The following PATJ variants were observed in gnomAD, a reference collection of about 807,000 sequenced individuals.
PATJ encodes the protein inaD-like protein.
A neutral mutation model predicts 224.9 loss-of-function variants in PATJ; 190 were observed. The observed-to-expected ratio is 0.84, with a 90% confidence interval of 0.75 to 0.95. The LOEUF (loss-of-function observed/expected upper bound fraction) is 0.95, where lower values mean the gene tolerates loss of function less well. Among genes scored for constraint, PATJ ranks in the 40% least tolerant of loss-of-function variants. PATJ has a pLI of 0.00. For synonymous variants in PATJ, 769 were observed against 820.3 expected (o/e 0.94, Z 1.07); for missense variants, 2,121 against 2,270.3 (o/e 0.93, Z 1.34).
intron 31 of PATJ, among the ~76,000 whole-genome samples, chr1:62,076,659 CA>C (rs1658358587): frequency 6.6e-6 from 1 of 152,158 alleles, no homozygotes; most frequent in African/African-American, 2.4e-5. Context: ...TATTATGCAC[CA>C]GATGCTACAT....
At chr1:61,912,037 A>G (rs1412988637) in intron 25 of PATJ, among the ~76,000 whole-genome samples, 1 of 60,654 alleles carries the variant, frequency 1.6e-5, no homozygotes, top group African/African-American at 5.7e-5. Context: ...AAAAAATTGG[A>G]TATCTTCAGC....
chr1:62,088,809 T>G (rs1346050928), intron 33 of PATJ, among the ~76,000 whole-genome samples: 4 of 147,902 alleles, frequency 2.7e-5, no homozygotes, highest in East Asian at 1.9e-4. Flanking sequence ...TATATATATA[T>G]AGAATATATA....
intron 31 of PATJ, among the ~76,000 whole-genome samples, chr1:62,079,071 A>G (rs535270176): frequency 2.0e-5 from 3 of 152,254 alleles, no homozygotes; most frequent in South Asian, 2.1e-4. Context: ...CACAACACAG[A>G]TAAGTCACTT....
chr1:61,768,219 C>T (rs952667934), intron 4 of PATJ, among the ~76,000 whole-genome samples: 9 of 152,130 alleles, frequency 5.9e-5, no homozygotes, highest in Middle Eastern at 3.4e-3. Flanking sequence ...CCTGTAATCC[C>T]AGCACTTTGG....
chr1:61,925,388 T>G (rs2886446), intron 26 of PATJ, among the ~76,000 whole-genome samples: 27,572 of 152,164 alleles, frequency 0.18, 2,778 homozygotes, highest in Non-Finnish European at 0.22. Flanking sequence ...TAACTCTAAA[T>G]GGTCAGACCA....
chr1:61,922,102 G>A (rs1459823590), intron 26 of PATJ, among the ~76,000 whole-genome samples: 2 of 151,988 alleles, frequency 1.3e-5, no homozygotes, highest in African/African-American at 4.8e-5. Context: ...GAGTGCAGTA[G>A]TGCAATCTCA....
intron 14 of PATJ, among the ~76,000 whole-genome samples, chr1:61,809,683 G>A (rs1654305877): frequency 6.6e-6 from 1 of 151,904 alleles, no homozygotes; most frequent in Non-Finnish European, 1.5e-5. Context: ...CACAGCGCCA[G>A]GCTAAAAATG....
chr1:62,020,892 C>T (rs1238456569), intron 29 of PATJ, among the ~76,000 whole-genome samples: 1 of 152,124 alleles, frequency 6.6e-6, no homozygotes, highest in Non-Finnish European at 1.5e-5. Context: ...GTGGTGCGAT[C>T]TTGGCACACT....
intron 28 of PATJ, among the ~76,000 whole-genome samples, chr1:62,011,409 G>C (rs143590331): frequency 1.6e-4 from 25 of 152,160 alleles, no homozygotes; most frequent in Admixed American, 5.9e-4. Flanking sequence ...GAATCGGAAG[G>C]CCTCGGAGGA....
At chr1:61,969,565 A>T (rs999505714) in intron 27 of PATJ, among the ~76,000 whole-genome samples, 3 of 152,088 alleles carry the variant, frequency 2.0e-5, no homozygotes, top group African/African-American at 7.2e-5. Context: ...AAATCAGATT[A>T]TTTGATTTAT....
At chr1:61,829,449 T>G (rs1658923625) in intron 16 of PATJ, among the ~76,000 whole-genome samples, 2 of 152,324 alleles carry the variant, frequency 1.3e-5, no homozygotes, top group South Asian at 4.1e-4. Flanking sequence ...GCAAGGTGTG[T>G]AAATCACAAA....
chr1:61,981,630 T>C (rs12092770), intron 27 of PATJ, among the ~76,000 whole-genome samples: 38,111 of 151,098 alleles, frequency 0.25, 5,166 homozygotes, highest in East Asian at 0.45. Context: ...GATCTAGTGG[T>C]ATGAAATTGG....
intron 22 of PATJ, among the ~76,000 whole-genome samples, chr1:61,895,351 G>T (rs901532307): frequency 4.6e-5 from 7 of 152,238 alleles, no homozygotes; most frequent in African/African-American, 1.4e-4. Flanking sequence ...CTTTGTGGCA[G>T]CTCCTCCCAT....
In PATJ at chr1:62,123,023, A is replaced by G; in HGVS notation, c.5008A>G (p.Thr1670Ala). 2 of 1,584,194 alleles carry G rather than the reference A, an allele frequency of 1.3e-6. No homozygotes were observed. Among genetic ancestry groups the G allele is most frequent in the African/African-American group, 1.3e-5 (1 of 74,276 alleles). Residue 1670 changes from threonine to alanine, a missense_variant and splice_region_variant, in exon 39 of 44, where the codon ACA becomes GCA. Transcript: ENST00000642238. Reference sequence around the variant, plus strand: ...TTAATTGTGTTGCTTCTTTATAGGCACAGATATGGAACCAAGGACTGTTGA... The same window carrying G: ...TTAATTGTGTTGCTTCTTTATAGGCGCAGATATGGAACCAAGGACTGTTGA... Reference protein sequence around the residue: ...VSDPSQKNSGTDMEPRTVEIN... With the variant: ...VSDPSQKNSGADMEPRTVEIN...
At chr1:61,862,307 C>A (rs1664741158) in intron 19 of PATJ, among the ~76,000 whole-genome samples, 1 of 151,962 alleles carries the variant, frequency 6.6e-6, no homozygotes, top group Non-Finnish European at 1.5e-5. Flanking sequence ...AGCAATTCTC[C>A]TGCCTCAGCC....
chr1:61,913,595 A>C (rs2149227806), intron 25 of PATJ, among the ~76,000 whole-genome samples: 1 of 152,328 alleles, frequency 6.6e-6, no homozygotes, highest in East Asian at 1.9e-4. Flanking sequence ...CTTTTTATAA[A>C]ATTAAACTGG....
chr1:61,884,406 A>G lies in PATJ; in HGVS notation c.3129A>G (p.Thr1043=), dbSNP rs757946170. The change falls in exon 22 of 44, where the codon ACA becomes ACG. Residue 1043 remains threonine (T), a splice_region_variant and synonymous_variant. Transcript: ENST00000642238. The part of the protein sequence containing the change: ...GMLSSRYATD[T]CELPEREEGE... Reference sequence around the variant, plus strand: ...TGTCTTCTAGATATGCCACTGATACATGGTATGATATCATTTCTCTTTGTT... The same window carrying G: ...TGTCTTCTAGATATGCCACTGATACGTGGTATGATATCATTTCTCTTTGTT... 2 of 1,520,190 alleles carry G rather than the reference A, an allele frequency of 1.3e-6. No individual in the cohort carries two copies. The highest frequency in any genetic ancestry group is 8.9e-7 in the Non-Finnish European group (1 of 1,127,956). The allele number at this position is 1,520,190 out of a possible 1,614,324, so 94.2% of individuals were successfully genotyped here.
intron 43 of PATJ, among the ~76,000 whole-genome samples, chr1:62,158,452 G>A (rs1468070062): frequency 6.7e-6 from 1 of 148,458 alleles, no homozygotes; most frequent in East Asian, 1.9e-4. Context: ...GGTCACGGTG[G>A]CTCACACCTG....
At chr1:61,911,132 GGTT>G (rs1437718747) in intron 25 of PATJ, among the ~76,000 whole-genome samples, 14 of 152,200 alleles carry the variant, frequency 9.2e-5, no homozygotes, top group Middle Eastern at 3.4e-3. Context: ...TGAATTGAGC[GGTT>G]GTTTTTATCT....
Sources: gnomAD v4.1 joint callset for allele counts (sites outside exome capture counted in the v4.1 genomes callset) on GRCh38, gnomAD v4.1.1 for gene constraint, MANE v1.5 for transcripts, NCBI Gene and HGNC (gene_info 2026-07-23, HGNC 2026-07-21) for gene names.